The following ZFYVE28 variants were observed in gnomAD, a reference collection of about 807,000 sequenced individuals.
ZFYVE28 encodes the protein lateral signaling target protein 2 homolog.
Under a neutral mutation model 82.1 loss-of-function variants are expected in ZFYVE28, and 40 were observed. The observed-to-expected ratio is 0.49, with a 90% CI of 0.38 to 0.63. The LOEUF (loss-of-function observed/expected upper bound fraction) is 0.63. Ranked by LOEUF, ZFYVE28 falls within the 30% of genes least tolerant of loss-of-function variation. The pLI is 0.00. For missense variants in ZFYVE28, 1,321 were observed against 1,242.1 expected, an observed-to-expected ratio of 1.06 and a Z score of -0.96; for synonymous variants, 612 against 546.1, an observed-to-expected ratio of 1.12 and a Z score of -1.68.
At chr4:2,387,793 A>T (rs1406211066) in intron 1 of ZFYVE28, among the ~76,000 whole-genome samples, 1 of 152,228 alleles carries the variant, frequency 6.6e-6, no homozygotes, top group Non-Finnish European at 1.5e-5. Flanking sequence ...GGCATCAGGG[A>T]TCACCTGGCT....
chr4:2,348,238 C>T (rs1487664986), intron 2 of ZFYVE28, among the ~76,000 whole-genome samples: 1 of 152,152 alleles, frequency 6.6e-6, no homozygotes, highest in Admixed American at 6.5e-5. Flanking sequence ...GCATAAACTA[C>T]CAAATCTCTC....
At chr4:2,400,792 C>G (rs1378934697) in intron 1 of ZFYVE28, among the ~76,000 whole-genome samples, 1 of 152,138 alleles carries the variant, frequency 6.6e-6, no homozygotes, top group Non-Finnish European at 1.5e-5. Flanking sequence ...GTGCTGGCAG[C>G]TGATTAGTTT....
At chr4:2,376,305 G>A (rs529989591) in intron 1 of ZFYVE28, among the ~76,000 whole-genome samples, 4 of 149,544 alleles carry the variant, frequency 2.7e-5, no homozygotes, top group African/African-American at 9.9e-5. Context: ...GGGTGGCTGA[G>A]GTGGGAGGAT....
chr4:2,402,690 A>G (rs915670871), intron 1 of ZFYVE28, among the ~76,000 whole-genome samples: 27 of 152,244 alleles, frequency 1.8e-4, no homozygotes, highest in African/African-American at 6.3e-4. Flanking sequence ...CTTAGAAGGG[A>G]ATATTAAAAA....
At chr4:2,369,839 T>TTTTTTTTTATTTTATTTA (rs1553857145) in intron 1 of ZFYVE28, among the ~76,000 whole-genome samples, 8 of 139,670 alleles carry the variant, frequency 5.7e-5, no homozygotes, top group African/African-American at 7.9e-5. Flanking sequence ...AGGGATTTTT[T>TTTTTTTTTATTTTATTTA]TTTTTCTTTT....
chr4:2,272,213 C>G (rs1361829443), intron 10 of ZFYVE28, among the ~76,000 whole-genome samples: 1 of 152,272 alleles, frequency 6.6e-6, no homozygotes, highest in East Asian at 1.9e-4. Flanking sequence ...AGAGCTGGGT[C>G]GGCACATGGG....
intron 1 of ZFYVE28, among the ~76,000 whole-genome samples, chr4:2,366,484 C>T (rs550762223): frequency 2.0e-5 from 3 of 152,298 alleles, no homozygotes; most frequent in Admixed American, 6.5e-5. Flanking sequence ...ACCCGTCTCC[C>T]GGCCAAGTTG....
intron 2 of ZFYVE28, among the ~76,000 whole-genome samples, chr4:2,344,753 G>A (rs761172230): frequency 4.6e-5 from 7 of 152,148 alleles, no homozygotes; most frequent in South Asian, 4.1e-4. Context: ...ACAATTAGCC[G>A]GGTGTGGTGG....
chr4:2,342,172 G>A (rs371963699), intron 2 of ZFYVE28, among the ~76,000 whole-genome samples: 12 of 152,280 alleles, frequency 7.9e-5, no homozygotes, highest in African/African-American at 2.9e-4. Context: ...GCACAGCTGG[G>A]GCCTGCTCCT....
chr4:2,402,466 C>A (rs1731300700), intron 1 of ZFYVE28, among the ~76,000 whole-genome samples: 1 of 152,216 alleles, frequency 6.6e-6, no homozygotes, highest in South Asian at 2.1e-4. Flanking sequence ...CTGTATTAAG[C>A]AGAGCAGGCA....
chr4:2,384,517 T>C (rs1464075296), intron 1 of ZFYVE28, among the ~76,000 whole-genome samples: 1 of 151,962 alleles, frequency 6.6e-6, no homozygotes, highest in East Asian at 1.9e-4. Flanking sequence ...AGGAGTGAGT[T>C]TAAGCAAGAA....
intron 7 of ZFYVE28, among the ~76,000 whole-genome samples, chr4:2,318,426 CGT>C (rs1376599436): frequency 6.6e-6 from 1 of 152,044 alleles, no homozygotes; most frequent in African/African-American, 2.4e-5. Flanking sequence ...GGCATGGTGG[CGT>C]ACACCCGTAA....
chr4:2,405,518 G>T (rs1445097385), intron 1 of ZFYVE28, among the ~76,000 whole-genome samples: 1 of 152,242 alleles, frequency 6.6e-6, no homozygotes. Flanking sequence ...CGCTCCCACT[G>T]CAGGCAGCCA....
Position 2,304,701 on chromosome 4 carries a change from C to G in ZFYVE28, c.1639G>C (p.Gly547Arg). Residue 547 changes from glycine (G) to arginine (R), a missense_variant, in exon 8 of 13, where the codon GGC becomes CGC. Gly to Arg is a moderately radical substitution (Grantham distance 125). Transcript: ENST00000290974. ...CCAGTGCTAAGCTTGTGGGGGCCGC[C>G]ATCCATCCCCTCGGCCACGGGCTCC... ...ASEPVAEGMD[G>R]GPHKLSTGAT... 4 of 1,612,658 alleles carry G rather than the reference C, an allele frequency of 2.5e-6. No homozygotes were observed. Among genetic ancestry groups the G allele is most frequent in the Non-Finnish European group, 2.5e-6 (3 of 1,179,910 alleles).
At chr4:2,395,696 A>G (rs556005448) in intron 1 of ZFYVE28, among the ~76,000 whole-genome samples, 274 of 152,312 alleles carry the variant, frequency 1.8e-3, no homozygotes, top group African/African-American at 5.4e-3. Context: ...TTCTCCACCA[A>G]GGTCACCAGG....
chr4:2,302,354 G>A (rs559592103), intron 8 of ZFYVE28, among the ~76,000 whole-genome samples: 1 of 152,356 alleles, frequency 6.6e-6, no homozygotes, highest in South Asian at 2.1e-4. Context: ...TCAATGGCAA[G>A]TTCTACACAC....
chr4:2,384,188 C>CA (rs1729015995), intron 1 of ZFYVE28, among the ~76,000 whole-genome samples: 4 of 152,302 alleles, frequency 2.6e-5, no homozygotes, highest in African/African-American at 9.6e-5. Flanking sequence ...TGCCACAGAG[C>CA]CCTCTCCTCC....
chr4:2,334,439 T>C (rs966085514), intron 6 of ZFYVE28, among the ~76,000 whole-genome samples: 3 of 151,918 alleles, frequency 2.0e-5, no homozygotes, highest in African/African-American at 7.3e-5. Context: ...CCTAGCCCAC[T>C]GCACTGCCAC....
At chr4:2,290,633 C>G (rs1019398248) in intron 8 of ZFYVE28, among the ~76,000 whole-genome samples, 1 of 152,220 alleles carries the variant, frequency 6.6e-6, no homozygotes, top group African/African-American at 2.4e-5. Flanking sequence ...CTGACGTCCA[C>G]GGCTCACCAG....
Sources: allele counts gnomAD v4.1 joint callset (sites outside exome capture counted in the v4.1 genomes callset), GRCh38; gene constraint gnomAD v4.1.1; transcripts MANE v1.5; gene names NCBI Gene and HGNC (gene_info 2026-07-23, HGNC 2026-07-21).